Variants in PLEK observed in about 807,000 individuals in gnomAD.
The protein encoded by PLEK is platelet 47 kDa protein.
In PLEK, 25 loss-of-function variants were observed where a neutral mutation model predicts 43.9. That is an observed-to-expected ratio of 0.57 (90% confidence interval 0.41 to 0.79). The LOEUF (loss-of-function observed/expected upper bound fraction) is 0.79. Ranked by LOEUF, PLEK falls within the 30% of genes least tolerant of loss-of-function variation. PLEK has a pLI of 0.00. For missense variants in PLEK, 396 were observed against 413.3 expected, an observed-to-expected ratio of 0.96 and a Z score of 0.36; for synonymous variants, 152 against 144.4, an observed-to-expected ratio of 1.05 and a Z score of -0.38.
At chr2:68,365,459 C>T (rs753728108) in intron 1 of PLEK, 66 bp downstream of exon 1, 46 of 1,165,328 alleles carry the variant, frequency 3.9e-5, no homozygotes, top group Non-Finnish European at 5.6e-5. Context: ...GGTTCAGCTC[C>T]ACCGGCTACC....
intron 1 of PLEK, among the ~76,000 whole-genome samples, chr2:68,372,681 C>T (rs34237343): frequency 6.6e-6 from 1 of 151,940 alleles, no homozygotes; most frequent in Admixed American, 6.6e-5. Flanking sequence ...CACATATATG[C>T]TACACACACA....
At chr2:68,394,205 G>A in intron 8 of PLEK, 29 bp downstream of exon 8, 1 of 1,387,528 alleles carries the variant, frequency 7.2e-7, no homozygotes, top group South Asian at 1.2e-5. Flanking sequence ...TGAGAGAGGT[G>A]GGTCTGCTCA....
chr2:68,371,306 A>G (rs1168784856), intron 1 of PLEK, among the ~76,000 whole-genome samples: 2 of 152,224 alleles, frequency 1.3e-5, no homozygotes, highest in South Asian at 2.1e-4. Context: ...CAATCCAGGC[A>G]TTCACACCTG....
In PLEK at chr2:68,396,732, G is replaced by A. The variant is rs1267939445; in HGVS notation, c.*916G>A. ...TACAGAAAAAAAAAAGTGGCCAGAT[G>A]TGTTCCCCCCATGGGTGAGAGGCCT... On this transcript the variant is annotated 3_prime_UTR_variant, in exon 9 of 9. Coordinates refer to ENST00000234313, the MANE Select transcript of PLEK (RefSeq NM_002664.3). 2.0e-5 allele frequency: 3 copies of A among 152,114 alleles called. No individual in the cohort carries two copies. Among genetic ancestry groups the A allele is most frequent in the African/African-American group, 7.2e-5 (3 of 41,432 alleles). The allele number at this position is 152,114 out of a possible 1,614,324, so 9.4% of individuals were successfully genotyped here. A position where few individuals can be genotyped will look rare whatever the true frequency, so the allele number is the denominator to read the frequency against.
intron 6 of PLEK, among the ~76,000 whole-genome samples, chr2:68,392,907 T>C (rs1673888515): frequency 6.6e-6 from 1 of 152,208 alleles, no homozygotes; most frequent in African/African-American, 2.4e-5. Context: ...CTGCCTTATA[T>C]CATACTAAAA....
intron 6 of PLEK, among the ~76,000 whole-genome samples, chr2:68,391,836 T>C (rs1302342412): frequency 6.6e-6 from 1 of 152,230 alleles, no homozygotes; most frequent in African/African-American, 2.4e-5. Context: ...TATAATACTA[T>C]TTTTGGCTTC....
chr2:68,393,629 C>T (rs1673902790), intron 7 of PLEK, among the ~76,000 whole-genome samples: 1 of 152,136 alleles, frequency 6.6e-6, no homozygotes, highest in South Asian at 2.1e-4. Flanking sequence ...GCAATTTGGG[C>T]TGTTGATTGT....
chr2:68,384,620 T>G (rs1391497849), intron 4 of PLEK, among the ~76,000 whole-genome samples: 1 of 152,010 alleles, frequency 6.6e-6, no homozygotes. Flanking sequence ...GGCTGGGAGA[T>G]GAAGGCTGTA....
At position 68,380,332 on chromosome 2, in the gene PLEK, G is replaced by C; in HGVS notation, c.47G>C (p.Ser16Thr). The C allele has an allele frequency of 6.2e-7, 1 of 1,612,304 alleles. No homozygotes were observed. Among genetic ancestry groups the C allele is most frequent in the Non-Finnish European group, 8.5e-7 (1 of 1,178,734 alleles). ...CTCTTTTGGTTGTCATTACAGGGGA[G>C]CGTGTTCAATACGTGGAAACCCATG... Reference protein sequence around the residue: ...IREGYLVKKGSVFNTWKPMWV... With the variant: ...IREGYLVKKGTVFNTWKPMWV... The change falls in exon 2 of 9, where the codon AGC becomes ACC. Residue 16 changes from serine (S) to threonine (T), a missense_variant. Physicochemically the swap from Ser to Thr is moderately conservative, Grantham distance 58 (BLOSUM62 1). Transcript: ENST00000234313.
intron 1 of PLEK, among the ~76,000 whole-genome samples, chr2:68,369,584 A>G (rs1673353577): frequency 6.7e-6 from 1 of 150,072 alleles, no homozygotes; most frequent in Non-Finnish European, 1.5e-5. Flanking sequence ...CCAAAACCGT[A>G]CTTTTACCTG....
chr2:68,394,611 G>T (rs1673929993), intron 8 of PLEK, among the ~76,000 whole-genome samples: 1 of 152,192 alleles, frequency 6.6e-6, no homozygotes. Context: ...CCCAACTGCT[G>T]TCCAGGCTCT....
At chr2:68,384,763 A>AG (rs1673703221) in intron 4 of PLEK, among the ~76,000 whole-genome samples, 1 of 152,216 alleles carries the variant, frequency 6.6e-6, no homozygotes, top group Non-Finnish European at 1.5e-5. Context: ...AAGGGTTAGA[A>AG]CACTTAAAAG....
intron 2 of PLEK, 103 bp from the exon 3 acceptor site, chr2:68,380,620 T>A (rs760136086): frequency 7.8e-5 from 112 of 1,437,090 alleles, no homozygotes; most frequent in Admixed American, 2.0e-4. Flanking sequence ...GGCATTTGGG[T>A]TTCTCTTGGC....
At chr2:68,372,842 C>T (rs1307819714) in intron 1 of PLEK, among the ~76,000 whole-genome samples, 1 of 151,774 alleles carries the variant, frequency 6.6e-6, no homozygotes, top group Non-Finnish European at 1.5e-5. Flanking sequence ...TATACAAGAA[C>T]CAAAATGAAA....
intron 1 of PLEK, among the ~76,000 whole-genome samples, chr2:68,369,384 A>G (rs891333095): frequency 3.3e-5 from 5 of 152,066 alleles, no homozygotes; most frequent in African/African-American, 7.2e-5. Flanking sequence ...CTCGTACTGC[A>G]GTGACATTCT....
At chr2:68,372,172 A>G (rs1399478526) in intron 1 of PLEK, among the ~76,000 whole-genome samples, 19 of 126,472 alleles carry the variant, frequency 1.5e-4, no homozygotes, top group African/African-American at 3.3e-5. Context: ...AATATAGAGA[A>G]GTTCATTTTT....
chr2:68,366,206 T>C (rs1180718758), intron 1 of PLEK, among the ~76,000 whole-genome samples: 6 of 152,230 alleles, frequency 3.9e-5, no homozygotes, highest in Non-Finnish European at 5.9e-5. Context: ...GTGGATTGTT[T>C]CAGAAATGAG....
At chr2:68,378,207 C>T (rs1207558533) in intron 1 of PLEK, among the ~76,000 whole-genome samples, 1 of 152,090 alleles carries the variant, frequency 6.6e-6, no homozygotes. Flanking sequence ...TCTTAGCAAA[C>T]AAAAAGCCAT....
At chr2:68,395,408 T>C (rs903582629) in intron 8 of PLEK, among the ~76,000 whole-genome samples, 1 of 152,060 alleles carries the variant, frequency 6.6e-6, no homozygotes, top group Non-Finnish European at 1.5e-5. Context: ...CTGTAAACTA[T>C]GAAAGAAAAT....
Sources: gnomAD v4.1 joint callset for allele counts (sites outside exome capture counted in the v4.1 genomes callset) on GRCh38, gnomAD v4.1.1 for gene constraint, MANE v1.5 for transcripts, NCBI Gene and HGNC (gene_info 2026-07-23, HGNC 2026-07-21) for gene names.